The following CTNND2 variants were observed in gnomAD, a reference collection of about 807,000 sequenced individuals.
The protein encoded by CTNND2 is catenin delta 2.
In CTNND2, 22 loss-of-function variants were observed where a neutral mutation model predicts 144.4. The observed-to-expected ratio is 0.15, with a 90% CI of 0.11 to 0.22. CTNND2 has a LOEUF of 0.22. CTNND2 is among the 10% of genes least tolerant of loss of function. The probability of loss-of-function intolerance (pLI) is 1.00; values close to 1 mark genes in which losing one functional copy is unlikely to be tolerated. For synonymous variants in CTNND2, 751 were observed against 695.6 expected (o/e 1.08, Z -1.25); for missense variants, 1,353 against 1,618.8 (o/e 0.84, Z 2.82).
intron 1 of CTNND2, among the ~76,000 whole-genome samples, chr5:11,734,938 C>G (rs1401423395): frequency 6.6e-6 from 1 of 151,712 alleles, no homozygotes; most frequent in East Asian, 1.9e-4. Context: ...TGGAATAGCA[C>G]TGAAAAAGTA....
intron 1 of CTNND2, among the ~76,000 whole-genome samples, chr5:11,902,679 T>C (rs1228672543): frequency 1.3e-5 from 2 of 152,160 alleles, no homozygotes; most frequent in Non-Finnish European, 2.9e-5. Flanking sequence ...ACATTCTCTG[T>C]TTTCTAAATC....
intron 9 of CTNND2, among the ~76,000 whole-genome samples, chr5:11,295,821 C>T (rs1184838046): frequency 6.6e-6 from 1 of 152,024 alleles, no homozygotes; most frequent in Non-Finnish European, 1.5e-5. Flanking sequence ...ACACTTTATA[C>T]AAAAATTAAT....
chr5:11,598,090 C>T (rs565718797), intron 2 of CTNND2, among the ~76,000 whole-genome samples: 23 of 152,182 alleles, frequency 1.5e-4, no homozygotes, highest in African/African-American at 5.1e-4. Flanking sequence ...TGTGTACATC[C>T]AATGAGGCAA....
chr5:11,341,026 A>C (rs1754219424), intron 9 of CTNND2, among the ~76,000 whole-genome samples: 1 of 152,162 alleles, frequency 6.6e-6, no homozygotes, highest in Non-Finnish European at 1.5e-5. Flanking sequence ...GGTTTGCCCA[A>C]AGTAACACTT....
intron 3 of CTNND2, among the ~76,000 whole-genome samples, chr5:11,473,253 T>C (rs1047893524): frequency 6.6e-6 from 1 of 152,084 alleles, no homozygotes; most frequent in African/African-American, 2.4e-5. Flanking sequence ...GGCACCCAAC[T>C]GAAGAAGGCC....
At chr5:11,480,791 G>A (rs955401561) in intron 3 of CTNND2, among the ~76,000 whole-genome samples, 3 of 152,080 alleles carry the variant, frequency 2.0e-5, no homozygotes, top group Non-Finnish European at 4.4e-5. Flanking sequence ...AAGCGTTGAT[G>A]TCAGGTGAGC....
At chr5:11,304,982 T>TGAAC (rs1561187196) in intron 9 of CTNND2, among the ~76,000 whole-genome samples, 1 of 152,194 alleles carries the variant, frequency 6.6e-6, no homozygotes, top group African/African-American at 2.4e-5. Context: ...GCTGAATGAA[T>TGAAC]GCATCTCGGC....
rs1351918699 is a variant in CTNND2 at position 11,234,338 on chromosome 5, C to T, written c.1761+2353G>A. ...TGGCCAAAAAGAAGGTGGATGAATGCACATTTCGCTACTAAGCAGTTTGTA... is the reference window on the plus strand; with the variant it reads ...TGGCCAAAAAGAAGGTGGATGAATGTACATTTCGCTACTAAGCAGTTTGTA... On this transcript the variant is annotated intron_variant, in intron 10 of 21. Transcript: ENST00000304623. Among the ~76,000 whole-genome samples, 3 of 152,162 alleles carry T rather than the reference C, an allele frequency of 2.0e-5. No homozygotes were observed. The East Asian group carries it at 5.8e-4, about 29-fold the overall frequency.
intron 2 of CTNND2, among the ~76,000 whole-genome samples, chr5:11,728,896 A>G (rs1275223300): frequency 6.6e-6 from 1 of 152,200 alleles, no homozygotes; most frequent in Non-Finnish European, 1.5e-5. Context: ...AAAAATTTTA[A>G]GAAACAACTT....
At position 11,818,004 on chromosome 5, in the gene CTNND2, T is replaced by TTTTTTTTTTTTTTTTTC. The variant is rs1554126308; in HGVS notation, c.38-85733_38-85732insGAAAAAAAAAAAAAAAA. On this transcript the variant is annotated intron_variant, in intron 1 of 21. Transcript: ENST00000304623. ...GTGTTTTTTTTTTTTTTTTTTTTTT[T>TTTTTTTTTTTTTTTTTC]CAGTTCTCCTCCATCCAATATCAAA... Among the ~76,000 whole-genome samples the TTTTTTTTTTTTTTTTTC allele has an allele frequency of 5.4e-5, 5 of 93,256 alleles. 1 individual carries two copies. Among genetic ancestry groups the TTTTTTTTTTTTTTTTTC allele is most frequent in the Non-Finnish European group, 4.2e-5 (2 of 47,324 alleles). The allele number at this position is 93,256 out of a possible 152,430, so 61.2% of individuals were successfully genotyped here. A position where few individuals can be genotyped will look rare whatever the true frequency, so the allele number is the denominator to read the frequency against.
intron 2 of CTNND2, among the ~76,000 whole-genome samples, chr5:11,703,537 A>G (rs1033020387): frequency 6.6e-6 from 1 of 152,232 alleles, no homozygotes; most frequent in African/African-American, 2.4e-5. Context: ...TGCCAACAGC[A>G]AGTATAATAT....
chr5:11,172,803 T>G (rs892030441), intron 11 of CTNND2, among the ~76,000 whole-genome samples: 7 of 152,104 alleles, frequency 4.6e-5, no homozygotes, highest in Admixed American at 3.9e-4. Context: ...AACGTCCTCC[T>G]TGGAAATAAA....
Position 11,623,808 on chromosome 5 carries a change from GTATATATATATATATATATATATA to G in CTNND2, c.175-58776_175-58753del, listed in dbSNP as rs58954001. ...ATCGTAAATATATATATGTGTGTAT[GTATATATATATATATATATATATA>G]TATATATATATATATATATATGCAC... On this transcript the variant is annotated intron_variant, in intron 2 of 21. Coordinates refer to ENST00000304623, the MANE Select transcript of CTNND2 (RefSeq NM_001332.4). Among the ~76,000 whole-genome samples the G allele has an allele frequency of 1.9e-3, 79 of 40,736 alleles. 2 individuals are homozygous for G. The highest frequency in any genetic ancestry group is 6.7e-3 in the East Asian group (8 of 1,202). The allele number at this position is 40,736 out of a possible 152,430, so 26.7% of individuals were successfully genotyped here.
intron 9 of CTNND2, among the ~76,000 whole-genome samples, chr5:11,283,933 A>T (rs1434195964): frequency 2.0e-5 from 3 of 152,124 alleles, no homozygotes; most frequent in Admixed American, 6.6e-5. Flanking sequence ...TCTGACGTGT[A>T]TTGTGTTTTT....
chr5:11,764,118 AG>A (rs1402629122), intron 1 of CTNND2, among the ~76,000 whole-genome samples: 1 of 152,172 alleles, frequency 6.6e-6, no homozygotes, highest in Non-Finnish European at 1.5e-5. Context: ...AGTCAGAGTC[AG>A]GAAGGAGATG....
At chr5:11,641,823 C>T (rs1458012309) in intron 2 of CTNND2, among the ~76,000 whole-genome samples, 8 of 147,118 alleles carry the variant, frequency 5.4e-5, no homozygotes, top group Non-Finnish European at 1.0e-4. Flanking sequence ...CATACATATA[C>T]GTATATGTGT....
chr5:11,147,296 T>C (rs377217320), intron 12 of CTNND2, among the ~76,000 whole-genome samples: 2 of 152,178 alleles, frequency 1.3e-5, no homozygotes, highest in East Asian at 3.9e-4. Flanking sequence ...GAAGGCCGAA[T>C]ATATACGGAA....
intron 1 of CTNND2, among the ~76,000 whole-genome samples, chr5:11,822,601 G>C (rs1475869867): frequency 6.6e-6 from 1 of 151,880 alleles, no homozygotes; most frequent in African/African-American, 2.4e-5. Context: ...CCACAAATAA[G>C]TTATAAAATA....
At chr5:11,057,002 C>T (rs1256429382) in intron 16 of CTNND2, among the ~76,000 whole-genome samples, 1 of 152,136 alleles carries the variant, frequency 6.6e-6, no homozygotes, top group African/African-American at 2.4e-5. Flanking sequence ...GTGTGGAATC[C>T]AGTCTTGTGC....
Sources: allele counts gnomAD v4.1 joint callset (sites outside exome capture counted in the v4.1 genomes callset), GRCh38; gene constraint gnomAD v4.1.1; transcripts MANE v1.5; gene names NCBI Gene and HGNC (gene_info 2026-07-23, HGNC 2026-07-21).